The following MAN1A1 variants were observed in gnomAD, a reference collection of about 807,000 sequenced individuals.
MAN1A1 encodes the protein mannosidase alpha class 1A member 1.
In MAN1A1, 29 loss-of-function variants were observed where a neutral mutation model predicts 70.8. The observed-to-expected ratio is 0.41, with a 90% CI of 0.31 to 0.56. The LOEUF (loss-of-function observed/expected upper bound fraction) is 0.56. MAN1A1 is among the 20% of genes least tolerant of loss of function. The pLI is 0.29. For synonymous variants in MAN1A1, 349 were observed against 330.1 expected, an observed-to-expected ratio of 1.06 and a Z score of -0.62; for missense variants, 747 against 841.3, an observed-to-expected ratio of 0.89 and a Z score of 1.39.
intron 6 of MAN1A1, among the ~76,000 whole-genome samples, chr6:119,224,128 A>G (rs1355202865): frequency 6.6e-6 from 1 of 152,174 alleles, no homozygotes; most frequent in African/African-American, 2.4e-5. Context: ...ACTGGGTATA[A>G]TCTCTGCTGA....
intron 5 of MAN1A1, among the ~76,000 whole-genome samples, chr6:119,282,360 G>A (rs889688847): frequency 2.9e-4 from 44 of 152,304 alleles, no homozygotes; most frequent in Middle Eastern, 3.4e-3. Context: ...GAGTTAAGGG[G>A]TAGGTATGAT....
rs72956765 is a variant in MAN1A1, at chr6:119,208,282, C to T, written c.993-3400G>A. On this transcript the variant is annotated intron_variant, in intron 6 of 12. Transcript: ENST00000368468. ...CTGTTTCTTCCAATTCCTACTTCTT[C>T]CATTTTAAATTGGAGTATTACTTAA... Among the ~76,000 whole-genome samples, 542 of 152,174 alleles carry T rather than the reference C, an allele frequency of 3.6e-3. 2 individuals are homozygous for T. Among genetic ancestry groups the T allele is most frequent in the Admixed American group, 5.8e-3 (88 of 15,298 alleles).
At chr6:119,188,703 C>T (rs1773358541) in intron 10 of MAN1A1, 126 bp from the exon 11 acceptor site, 3 of 849,680 alleles carry the variant, frequency 3.5e-6, no homozygotes, top group Non-Finnish European at 5.5e-6. Flanking sequence ...CCAGGACCCT[C>T]CGAGGATAAC....
Position 119,349,175 on chromosome 6 carries a change from C to A in MAN1A1, c.-110G>T. 8.1e-7 allele frequency: 1 copy of A among 1,228,972 alleles called. No homozygotes were observed. Among genetic ancestry groups the A allele is most frequent in the Non-Finnish European group, 1.0e-6 (1 of 986,946 alleles). The allele number at this position is 1,228,972 out of a possible 1,614,324, so 76.1% of individuals were successfully genotyped here. A position where few individuals can be genotyped will look rare whatever the true frequency, so the allele number is the denominator to read the frequency against. ...GTCCTGCGTAGCCAGGCCGCCCGAC[C>A]CCCTCGGCTGGGCTGCGGATCCTCC... On this transcript the variant is annotated 5_prime_UTR_variant, in exon 2 of 13. Transcript: ENST00000368468.
intron 2 of MAN1A1, among the ~76,000 whole-genome samples, chr6:119,344,147 T>C (rs1773667319): frequency 6.6e-6 from 1 of 152,236 alleles, no homozygotes. Flanking sequence ...GAAGTACAGA[T>C]AGATGCATTT....
At chr6:119,314,826 C>T (rs1772807881) in intron 2 of MAN1A1, among the ~76,000 whole-genome samples, 1 of 152,270 alleles carries the variant, frequency 6.6e-6, no homozygotes, top group East Asian at 1.9e-4. Context: ...TTCTCACAGC[C>T]TTCCTCCTCC....
intron 6 of MAN1A1, among the ~76,000 whole-genome samples, chr6:119,208,154 A>C (rs1773936698): frequency 6.6e-6 from 1 of 152,230 alleles, no homozygotes. Context: ...GGAAATATAT[A>C]CACAAAAAGG....
chr6:119,193,070 T>C (rs766370070), intron 9 of MAN1A1, among the ~76,000 whole-genome samples: 1 of 152,174 alleles, frequency 6.6e-6, no homozygotes, highest in South Asian at 2.1e-4. Context: ...GGTGCTGATA[T>C]AGACAAACTT....
chr6:119,275,724 G>A (rs1776043185), intron 5 of MAN1A1, among the ~76,000 whole-genome samples: 2 of 152,208 alleles, frequency 1.3e-5, no homozygotes, highest in African/African-American at 2.4e-5. Context: ...TTACAGGCGT[G>A]AGCCACTGTG....
chr6:119,328,512 T>C (rs1043995088), intron 2 of MAN1A1, among the ~76,000 whole-genome samples: 2 of 151,750 alleles, frequency 1.3e-5, no homozygotes, highest in Non-Finnish European at 2.9e-5. Context: ...ACTAAGAAAG[T>C]AGTAAGTAGG....
At chr6:119,222,995 C>T (rs1285638871) in intron 6 of MAN1A1, among the ~76,000 whole-genome samples, 3 of 151,972 alleles carry the variant, frequency 2.0e-5, no homozygotes, top group Admixed American at 2.0e-4. Flanking sequence ...TGAATTGAAC[C>T]TTTTAAGTGG....
Position 119,290,776 on chromosome 6 carries a change from A to AG in MAN1A1, c.817-14_817-13insC. 6.4e-7 allele frequency: 1 copy of AG among 1,567,764 alleles called. No individual in the cohort carries two copies. Among genetic ancestry groups the AG allele is most frequent in the Admixed American group, 1.7e-5 (1 of 59,342 alleles). On this transcript the variant is annotated splice_polypyrimidine_tract_variant and intron_variant, in intron 4 of 12. Coordinates refer to ENST00000368468, the MANE Select transcript of MAN1A1 (RefSeq NM_005907.4). ...AAATTTCAGCATTCTATGGAAAAAA[A>AG]AAATTCAAACATGATGATAGTACAC...
intron 6 of MAN1A1, among the ~76,000 whole-genome samples, chr6:119,247,475 C>T (rs1403526713): frequency 1.3e-5 from 2 of 152,146 alleles, no homozygotes; most frequent in Admixed American, 1.3e-4. Context: ...TCATCACTGT[C>T]TCATCATTAT....
At position 119,250,341 on chromosome 6, in the gene MAN1A1, T is replaced by C. The variant is rs868595050; in HGVS notation, c.898-1987A>G. ...CACAGTTGAGGGCTTTGAAGCACAA[T>C]GCCTGTGCTTGAATCTCAGCTCAGC... On this transcript the variant is annotated intron_variant, in intron 5 of 12. Coordinates refer to ENST00000368468, the MANE Select transcript of MAN1A1 (RefSeq NM_005907.4). Among the ~76,000 whole-genome samples, 7 of 152,338 alleles carry C rather than the reference T, an allele frequency of 4.6e-5. No individual in the cohort carries two copies. The South Asian group carries it at 6.2e-4, about 14-fold the overall frequency.
chr6:119,307,122 A>G (rs6569071), intron 2 of MAN1A1, 130 bp from the exon 3 acceptor site: 222,903 of 604,376 alleles, frequency 0.37, 43,719 homozygotes, highest in Non-Finnish European at 0.41. Flanking sequence ...AAGTAAAAGA[A>G]TTATGATTAT....
chr6:119,190,196 G>C (rs1451529023), intron 9 of MAN1A1, among the ~76,000 whole-genome samples: 2 of 152,228 alleles, frequency 1.3e-5, no homozygotes, highest in Non-Finnish European at 2.9e-5. Context: ...CTGTGCAGCA[G>C]TAATAGTTGG....
intron 8 of MAN1A1, 48 bp downstream of exon 8, chr6:119,201,206 G>A (rs1302849294): frequency 1.5e-6 from 2 of 1,367,018 alleles, no homozygotes; most frequent in African/African-American, 1.4e-5. Flanking sequence ...CTCTCTCCAC[G>A]AGTACAGTAC....
At chr6:119,312,071 G>C (rs1582793950) in intron 2 of MAN1A1, among the ~76,000 whole-genome samples, 1 of 152,144 alleles carries the variant, frequency 6.6e-6, no homozygotes, top group South Asian at 2.1e-4. Context: ...TGTTTGTCAT[G>C]AAAGGGAAGA....
At chr6:119,216,394 C>T (rs1055959231) in intron 6 of MAN1A1, among the ~76,000 whole-genome samples, 1 of 152,142 alleles carries the variant, frequency 6.6e-6, no homozygotes, top group Admixed American at 6.5e-5. Context: ...GAGCGATGTT[C>T]GGGAGGTAAG....
Sources: gnomAD v4.1 joint callset for allele counts (sites outside exome capture counted in the v4.1 genomes callset) on GRCh38, gnomAD v4.1.1 for gene constraint, MANE v1.5 for transcripts, NCBI Gene and HGNC (gene_info 2026-07-23, HGNC 2026-07-21) for gene names.